DOP1A: variants seen among roughly 807,000 people sequenced by gnomAD.
DOP1A encodes protein DOP1A.
Under a neutral mutation model 267.6 loss-of-function variants are expected in DOP1A, and 90 were observed. The observed-to-expected ratio is 0.34, with a 90% CI of 0.28 to 0.40. The LOEUF is 0.40. Among genes scored for constraint, DOP1A ranks in the 10% least tolerant of loss-of-function variants. DOP1A has a pLI of 1.00. For missense variants in DOP1A, 2,437 were observed against 2,900.4 expected (o/e 0.84, Z 3.67); for synonymous variants, 932 against 999.1 (o/e 0.93, Z 1.27).
Position 83,128,902 on chromosome 6 carries a change from C to T in DOP1A, c.1735C>T (p.His579Tyr). Reference sequence around the variant, plus strand: ...TCTCTAACAGGTATCATCAGTTTCTCATGAAAATCCTACTGAAGTGTTTGA... The same window carrying T: ...TCTCTAACAGGTATCATCAGTTTCTTATGAAAATCCTACTGAAGTGTTTGA... Reference protein sequence around the residue: ...WEDKKVSSVSHENPTEVFEDG... With the variant: ...WEDKKVSSVSYENPTEVFEDG... Residue 579 changes from histidine to tyrosine, a missense_variant, in exon 16 of 39, where the codon CAT becomes TAT. This residue lies in a region of DOP1A where 498 missense variants were observed against 513.5 expected (regional missense o/e 0.97). Transcript: ENST00000349129. 1 of 1,522,108 alleles carries T rather than the reference C, an allele frequency of 6.6e-7. No individual in the cohort carries two copies. Among genetic ancestry groups the T allele is most frequent in the South Asian group, 1.3e-5 (1 of 75,336 alleles). 94.3% of individuals were successfully genotyped at this position (1,522,108 alleles called of 1,614,324 possible).
In DOP1A at chr6:83,153,491, C is replaced by T; in HGVS notation, c.6130-20C>T. ...CAGTTTCACCTCATATGTTACTCTT[C>T]ATTTTTTATGTTTTCATAGGTTTTG... On this transcript the variant is annotated intron_variant, in intron 30 of 38. Transcript: ENST00000349129. The T allele has an allele frequency of 6.5e-7, 1 of 1,534,216 alleles. No homozygotes were observed. The highest frequency in any genetic ancestry group is 8.9e-7 in the Non-Finnish European group (1 of 1,126,584).
At chr6:83,167,379 T>C in intron 38 of DOP1A, 1 of 984,762 alleles carries the variant, frequency 1.0e-6, no homozygotes, top group Non-Finnish European at 1.2e-6. Context: ...TGGACACTGC[T>C]ACCATCATGG....
At chr6:83,165,951 C>T in intron 38 of DOP1A, 1 of 356,716 alleles carries the variant, frequency 2.8e-6, no homozygotes, top group South Asian at 2.5e-5. Flanking sequence ...AACCACCAAA[C>T]AATGACCATG....
chr6:83,070,001 T>G (rs1785331115), intron 1 of DOP1A, among the ~76,000 whole-genome samples: 1 of 152,222 alleles, frequency 6.6e-6, no homozygotes, highest in South Asian at 2.1e-4. Flanking sequence ...GACAGTTACT[T>G]CTAAATTGCT....
intron 38 of DOP1A, chr6:83,164,574 T>C (rs1784992751): frequency 7.7e-7 from 1 of 1,306,528 alleles, no homozygotes; most frequent in Non-Finnish European, 1.1e-6. Context: ...CATCTTCCCA[T>C]CCAAATCACC....
intron 38 of DOP1A, 111 bp downstream of exon 38, chr6:83,163,030 T>C: frequency 7.8e-7 from 1 of 1,288,028 alleles, no homozygotes; most frequent in Non-Finnish European, 1.1e-6. Flanking sequence ...TTGAGCTATT[T>C]TGAAAACAAG....
rs146862964 is a variant in DOP1A, at chr6:83,105,605, C to T, written c.321-3305C>T. 6.3e-3 allele frequency among the ~76,000 whole-genome samples: 952 copies of T among 151,990 alleles called. 11 individuals carry two copies. The highest frequency in any genetic ancestry group is 0.022 in the African/African-American group (904 of 41,450). ...GTCTCGAACTCCTGACTTCGTGATC[C>T]GCCTGCCTCGGCCTCCCAAAGTGCT... On this transcript the variant is annotated intron_variant, in intron 4 of 38. Coordinates refer to ENST00000349129, the MANE Select transcript of DOP1A (RefSeq NM_015018.4).
chr6:83,097,658 C>T (rs1370215552), intron 3 of DOP1A, among the ~76,000 whole-genome samples: 2 of 152,096 alleles, frequency 1.3e-5, no homozygotes, highest in African/African-American at 4.8e-5. Flanking sequence ...GGTTTTTATT[C>T]AGTTATTGTT....
At chr6:83,117,717 T>A (rs1775693473) in intron 7 of DOP1A, among the ~76,000 whole-genome samples, 1 of 152,158 alleles carries the variant, frequency 6.6e-6, no homozygotes, top group Non-Finnish European at 1.5e-5. Context: ...ATATGCATAG[T>A]TTTATTTGTT....
intron 20 of DOP1A, among the ~76,000 whole-genome samples, chr6:83,136,832 T>A (rs1360611415): frequency 2.0e-5 from 3 of 152,154 alleles, no homozygotes; most frequent in Non-Finnish European, 2.9e-5. Flanking sequence ...TGCTAGCATT[T>A]GGTATGTACT....
At chr6:83,074,287 T>C (rs1455586559) in intron 1 of DOP1A, among the ~76,000 whole-genome samples, 1 of 151,992 alleles carries the variant, frequency 6.6e-6, no homozygotes, top group African/African-American at 2.4e-5. Flanking sequence ...AAGATACAGA[T>C]TTTATTTATT....
chr6:83,128,657 T>C (rs1326580987), intron 15 of DOP1A, among the ~76,000 whole-genome samples: 1 of 152,196 alleles, frequency 6.6e-6, no homozygotes, highest in African/African-American at 2.4e-5. Context: ...TCCTAGAGAC[T>C]TGTATATATG....
intron 9 of DOP1A, 111 bp from the exon 10 acceptor site, chr6:83,120,572 A>C (rs1776199065): frequency 2.7e-6 from 2 of 749,760 alleles, no homozygotes; most frequent in Admixed American, 3.4e-5. Flanking sequence ...GAAAAGCAAT[A>C]GTGGGTATAA....
At chr6:83,122,569 A>C (rs1776537192) in intron 11 of DOP1A, among the ~76,000 whole-genome samples, 1 of 151,986 alleles carries the variant, frequency 6.6e-6, no homozygotes, top group African/African-American at 2.4e-5. Flanking sequence ...TTACAGTCCC[A>C]CACACTAAAT....
chr6:83,155,618 G>T (rs188256689), intron 33 of DOP1A, among the ~76,000 whole-genome samples: 33 of 152,252 alleles, frequency 2.2e-4, no homozygotes, highest in Admixed American at 9.2e-4. Flanking sequence ...ACACCAGAAG[G>T]TATTTTTAAA....
In DOP1A at chr6:83,151,734, ATAAACT is replaced by A; in HGVS notation, c.5904+76_5904+81del. The A allele has an allele frequency of 2.0e-6, 3 of 1,496,910 alleles. No homozygotes were observed. The South Asian group carries it at 3.7e-5, about 18-fold the overall frequency. The allele number at this position is 1,496,910 out of a possible 1,614,324, so 92.7% of individuals were successfully genotyped here. A position where few individuals can be genotyped will look rare whatever the true frequency, so the allele number is the denominator to read the frequency against. Reference sequence around the variant, plus strand: ...TTTGAAAATGAGAGAGTCAAATAAAATAAACTGAAGTTTCTTTCAACTCTGAACATT... The same window carrying A: ...TTTGAAAATGAGAGAGTCAAATAAAAGAAGTTTCTTTCAACTCTGAACATT... On this transcript the variant is annotated intron_variant, in intron 28 of 38. Transcript: ENST00000349129.
chr6:83,121,095 T>C (rs1300175723), intron 10 of DOP1A, among the ~76,000 whole-genome samples: 1 of 151,816 alleles, frequency 6.6e-6, no homozygotes, highest in Non-Finnish European at 1.5e-5. Flanking sequence ...GAGCAATTTA[T>C]AGTTCACAGA....
At chr6:83,092,730 A>T (rs1175223868) in intron 1 of DOP1A, among the ~76,000 whole-genome samples, 1 of 152,052 alleles carries the variant, frequency 6.6e-6, no homozygotes, top group African/African-American at 2.4e-5. Context: ...CTTTACAGCT[A>T]TTATTAAGTA....
At chr6:83,148,354 C>T (rs2295488) in intron 26 of DOP1A, among the ~76,000 whole-genome samples, 4,774 of 151,908 alleles carry the variant, frequency 0.031, 182 homozygotes, top group African/African-American at 0.087. Flanking sequence ...GTGGAGGCTG[C>T]GGTGAGCCGA....
Sources: allele counts gnomAD v4.1 joint callset (sites outside exome capture counted in the v4.1 genomes callset), GRCh38; gene constraint gnomAD v4.1.1; regional missense constraint gnomAD v4.1.1; transcripts MANE v1.5; gene names NCBI Gene and HGNC (gene_info 2026-07-23, HGNC 2026-07-21).